CRMP1: variants seen among roughly 807,000 people sequenced by gnomAD.
CRMP1 encodes the protein collapsin response mediator protein 1, also known as dihydropyrimidinase-related protein 1.
CRMP1 carries 19 observed loss-of-function variants against 68.3 expected under a neutral mutation model. That is an observed-to-expected ratio of 0.28 (90% CI 0.19 to 0.41). The LOEUF is 0.41. CRMP1 is among the 10% of genes least tolerant of loss of function. CRMP1 has a pLI of 1.00. For missense variants in CRMP1, 791 were observed against 967.4 expected (o/e 0.82, Z 2.42); for synonymous variants, 439 against 399.6 (o/e 1.10, Z -1.18).
intron 3 of CRMP1, among the ~76,000 whole-genome samples, chr4:5,856,754 A>G (rs1285355953): frequency 6.6e-6 from 1 of 151,638 alleles, no homozygotes; most frequent in Non-Finnish European, 1.5e-5. Flanking sequence ...CATCACCTCC[A>G]CCACCATCAC....
chr4:5,832,992 G>A (rs950147621), intron 11 of CRMP1, among the ~76,000 whole-genome samples: 8 of 152,214 alleles, frequency 5.3e-5, no homozygotes, highest in East Asian at 1.9e-4. Flanking sequence ...AGAGGGCCAC[G>A]CAATGACAGA....
In CRMP1 at chr4:5,843,130, G is replaced by A. The variant is rs142255876; in HGVS notation, c.995C>T (p.Thr332Met). 31 of 1,614,048 alleles carry A rather than the reference G, an allele frequency of 1.9e-5. No individual in the cohort carries two copies. The highest frequency in any genetic ancestry group is 6.7e-5 in the African/African-American group (5 of 74,916). ...GCTCAGGGCATGGCCCTCGGGACCC[G>A]TGATGCCCATCTCCAGGATCCGCTT... The part of the protein sequence containing the change: ...EQKRILEMGI[T>M]GPEGHALSRP... Residue 332 changes from threonine to methionine, a missense_variant, in exon 7 of 14, where the codon ACG (threonine) becomes ATG (methionine). Thr to Met is a moderately conservative substitution (Grantham distance 81). Around this residue, in one of 3 missense-constraint regions of CRMP1, gnomAD observed 594 missense variants for 763.6 expected, o/e 0.78. Coordinates refer to ENST00000324989, the MANE Select transcript of CRMP1 (RefSeq NM_001014809.3). This position sits in a 1 kb window ranked among gnomAD's most constrained non-coding sequence, Gnocchi z 4.1.
chr4:5,828,587 C>G lies in CRMP1; in HGVS notation c.1705G>C (p.Glu569Gln). 6.2e-7 allele frequency: 1 copy of G among 1,614,206 alleles called. No individual in the cohort carries two copies. The highest frequency in any genetic ancestry group is 8.5e-7 in the Non-Finnish European group (1 of 1,180,038). The change falls in exon 12 of 14, where the codon GAA (glutamate) becomes CAA (glutamine). Residue 569 changes from glutamate to glutamine, a missense_variant. By Grantham distance (29) the Glu-to-Gln change is conservative. Coordinates refer to ENST00000324989, the MANE Select transcript of CRMP1 (RefSeq NM_001014809.3). ...TTGTTGACGTTGATGTTTCCGTCTT[C>G]AAAGACGATCTTGCCCTGGCTGATG... Reference protein sequence around the residue: ...VVISQGKIVFEDGNINVNKGM... With the variant: ...VVISQGKIVFQDGNINVNKGM...
intron 13 of CRMP1, among the ~76,000 whole-genome samples, chr4:5,824,042 G>C (rs1029719879): frequency 9.2e-5 from 14 of 152,216 alleles, no homozygotes; most frequent in African/African-American, 3.1e-4. Flanking sequence ...GAGTGAAACT[G>C]AGAGAACAAG....
At chr4:5,827,985 G>A (rs1255706634) in intron 12 of CRMP1, 1 of 954,778 alleles carries the variant, frequency 1.0e-6, no homozygotes, top group Non-Finnish European at 1.2e-6. Context: ...GGAACGACAG[G>A]GCAGAAACGT....
chr4:5,888,266 TG>T lies in CRMP1; in HGVS notation c.381+4322del. 4.7e-6 allele frequency: 6 copies of T among 1,278,312 alleles called. No individual in the cohort carries two copies. Among genetic ancestry groups the T allele is most frequent in the Non-Finnish European group, 6.0e-6 (6 of 1,005,458 alleles). The allele number at this position is 1,278,312 out of a possible 1,614,324, so 79.2% of individuals were successfully genotyped here. On this transcript the variant is annotated intron_variant, in intron 1 of 13. Transcript: ENST00000324989. This position sits in a 1 kb window ranked among gnomAD's most constrained non-coding sequence, Gnocchi z 6.4. ...ATGCTCTTCTTGCCCTGGTACGACATGGCCCCCTCTGGCGCCCTCGGCCCGG... is the reference window on the plus strand; with the variant it reads ...ATGCTCTTCTTGCCCTGGTACGACATGCCCCCTCTGGCGCCCTCGGCCCGG...
intron 4 of CRMP1, among the ~76,000 whole-genome samples, chr4:5,852,228 C>G (rs546672649): frequency 6.6e-6 from 1 of 152,364 alleles, no homozygotes; most frequent in East Asian, 1.9e-4. Flanking sequence ...TCAGGGAGAG[C>G]TGAGTTCAGG....
chr4:5,836,977 G>A (rs1337897410), intron 9 of CRMP1, 71 bp from the exon 10 acceptor site: 5 of 1,508,904 alleles, frequency 3.3e-6, no homozygotes, highest in East Asian at 2.3e-5. Context: ...CTTCAGACAG[G>A]TACATGCAGC....
Position 5,865,998 on chromosome 4 carries a change from C to T in CRMP1, c.470+670G>A, listed in dbSNP as rs1560511798. Among the ~76,000 whole-genome samples, 3 of 152,136 alleles carry T rather than the reference C, an allele frequency of 2.0e-5. No homozygotes were observed. Among genetic ancestry groups the T allele is most frequent in the Admixed American group, 6.5e-5 (1 of 15,276 alleles). On this transcript the variant is annotated intron_variant, in intron 2 of 13. Coordinates refer to ENST00000324989, the MANE Select transcript of CRMP1 (RefSeq NM_001014809.3). The surrounding 1 kb of genome is among the most constrained non-coding windows in gnomAD (Gnocchi z 4.1). Reference sequence around the variant, plus strand: ...AACCAACCCTGACGGCAGCTTGATCCGGGACTTCCAGCCTCCAGAACTATG... The same window carrying T: ...AACCAACCCTGACGGCAGCTTGATCTGGGACTTCCAGCCTCCAGAACTATG...
chr4:5,867,822 G>C (rs112120248), intron 1 of CRMP1, among the ~76,000 whole-genome samples: 5 of 151,062 alleles, frequency 3.3e-5, no homozygotes, highest in South Asian at 2.1e-4. Flanking sequence ...GTCTAAAAAA[G>C]AGTCTATTTA....
Position 5,870,137 on chromosome 4 carries a change from G to A in CRMP1, c.382-3381C>T, listed in dbSNP as rs1202882522. ...GGTCAGCGAGACCCCAGTTAATCTG[G>A]AGTCCCAGGTTCCTGGCAGTCTTCC... is the stretch of plus-strand genomic sequence containing the variant. On this transcript the variant is annotated intron_variant, in intron 1 of 13. Coordinates refer to ENST00000324989, the MANE Select transcript of CRMP1 (RefSeq NM_001014809.3). The surrounding 1 kb of genome is among the most constrained non-coding windows in gnomAD (Gnocchi z 6.0). Among the ~76,000 whole-genome samples, 1 of 152,188 alleles carries A rather than the reference G, an allele frequency of 6.6e-6. No homozygotes were observed. The highest frequency in any genetic ancestry group is 1.5e-5 in the Non-Finnish European group (1 of 68,032).
chr4:5,889,711 G>A lies in CRMP1; in HGVS notation c.381+2878C>T. ...AACTACTCATCTTTTCTGCTTTCAA[G>A]TTGCCATCCAGAGCGAGGGTGGCCT... On this transcript the variant is annotated intron_variant, in intron 1 of 13. Transcript: ENST00000324989. The surrounding 1 kb of genome is among the most constrained non-coding windows in gnomAD (Gnocchi z 4.5). 1 of 1,536,008 alleles carries A rather than the reference G, an allele frequency of 6.5e-7. No homozygotes were observed. The highest frequency in any genetic ancestry group is 8.7e-7 in the Non-Finnish European group (1 of 1,146,830).
intron 5 of CRMP1, 96 bp from the exon 6 acceptor site, chr4:5,849,568 G>A (rs1308274682): frequency 3.9e-5 from 30 of 777,486 alleles, no homozygotes; most frequent in South Asian, 3.4e-4. Context: ...ACACCCATTC[G>A]GTCATTCACC....
intron 2 of CRMP1, among the ~76,000 whole-genome samples, chr4:5,864,483 G>A (rs750719746): frequency 6.6e-6 from 1 of 152,178 alleles, no homozygotes; most frequent in African/African-American, 2.4e-5. Context: ...AGGCTGACAG[G>A]AGCATCCTCA....
chr4:5,847,530 G>T (rs544063030), intron 6 of CRMP1, among the ~76,000 whole-genome samples: 2 of 152,324 alleles, frequency 1.3e-5, no homozygotes, highest in East Asian at 3.9e-4. Context: ...TGTTAGCAAT[G>T]AACAGAATAC....
At chr4:5,846,739 C>A (rs1292760862) in intron 6 of CRMP1, among the ~76,000 whole-genome samples, 1 of 148,938 alleles carries the variant, frequency 6.7e-6, no homozygotes, top group Non-Finnish European at 1.5e-5. Context: ...TACAGGCACC[C>A]GCCACCATGC....
rs1398158513 is a variant in CRMP1, at chr4:5,865,289, C to G, written c.470+1379G>C. Among the ~76,000 whole-genome samples, 1 of 152,042 alleles carries G rather than the reference C, an allele frequency of 6.6e-6. No homozygotes were observed. Among genetic ancestry groups the G allele is most frequent in the Non-Finnish European group, 1.5e-5 (1 of 67,998 alleles). On this transcript the variant is annotated intron_variant, in intron 2 of 13. Transcript: ENST00000324989. This position sits in a 1 kb window ranked among gnomAD's most constrained non-coding sequence, Gnocchi z 4.1. Reference sequence around the variant, plus strand: ...CACCCAGCAAATCCAGGTTACAACTCACAGAAAGAGAACTGCCCTGATCCT... The same window carrying G: ...CACCCAGCAAATCCAGGTTACAACTGACAGAAAGAGAACTGCCCTGATCCT...
intron 6 of CRMP1, among the ~76,000 whole-genome samples, chr4:5,846,231 G>C (rs1038104146): frequency 6.6e-5 from 10 of 152,134 alleles, no homozygotes; most frequent in Non-Finnish European, 1.5e-4. Flanking sequence ...AGGAGACGGG[G>C]GCTGCAATGA....
In CRMP1 at chr4:5,854,411, T is replaced by G. The variant is rs968927854; in HGVS notation, c.820+1732A>C. Among the ~76,000 whole-genome samples, 6 of 147,684 alleles carry G rather than the reference T, an allele frequency of 4.1e-5. No individual in the cohort carries two copies. The highest frequency in any genetic ancestry group is 6.7e-5 in the Admixed American group (1 of 14,900). ...CACTCCTGGCTATGTTTTTTTTTTT[T>G]TTTTTTTTTTTTTAATAGAGTCGTG... is the stretch of plus-strand genomic sequence containing the variant. On this transcript the variant is annotated intron_variant, in intron 4 of 13. Transcript: ENST00000324989. This position sits in a 1 kb window ranked among gnomAD's most constrained non-coding sequence, Gnocchi z 4.0.
Sources: gnomAD v4.1 joint callset for allele counts (sites outside exome capture counted in the v4.1 genomes callset) on GRCh38, gnomAD v4.1.1 for gene constraint, gnomAD v4.1.1 regional missense constraint, Gnocchi (gnomAD v3.1) non-coding constraint, MANE v1.5 for transcripts, NCBI Gene and HGNC (gene_info 2026-07-23, HGNC 2026-07-21) for gene names.